The following ARID5A variants were observed in gnomAD, a reference collection of about 807,000 sequenced individuals.
ARID5A encodes the protein AT-rich interaction domain 5A.
A neutral mutation model predicts 30.5 loss-of-function variants in ARID5A; 14 were observed. The ratio of observed to expected loss-of-function variants is 0.46; its 90% CI spans 0.30 to 0.72. ARID5A has a LOEUF of 0.72. ARID5A is among the 30% of genes least tolerant of loss of function. The pLI is 0.07. For missense variants in ARID5A, 669 were observed against 786.2 expected (o/e 0.85, Z 1.78); for synonymous variants, 338 against 340.4 (o/e 0.99, Z 0.08).
chr2:96,547,709 A>G (rs2065953728), intron 2 of ARID5A, among the ~76,000 whole-genome samples, 192 bp downstream of exon 2: 1 of 152,220 alleles, frequency 6.6e-6, no homozygotes, highest in Non-Finnish European at 1.5e-5. Context: ...TTTTTGTAGC[A>G]GAACCCTTTT....
intron 1 of ARID5A, among the ~76,000 whole-genome samples, chr2:96,541,857 A>C (rs1008498657): frequency 6.6e-6 from 1 of 152,256 alleles, no homozygotes. Flanking sequence ...ACAAGGCAGT[A>C]GTGCGGTGGC....
At chr2:96,548,054 G>A (rs923762061) in intron 2 of ARID5A, among the ~76,000 whole-genome samples, 1 of 152,324 alleles carries the variant, frequency 6.6e-6, no homozygotes, top group South Asian at 2.1e-4. Flanking sequence ...AGGCCTGGAG[G>A]AGCAGATTGA....
At chr2:96,543,908 G>A (rs930406290) in intron 1 of ARID5A, among the ~76,000 whole-genome samples, 13 of 152,226 alleles carry the variant, frequency 8.5e-5, no homozygotes, top group Non-Finnish European at 1.6e-4. Context: ...TGAATGCCAA[G>A]GAAAAGTTAT....
At chr2:96,536,877 C>G in intron 1 of ARID5A, 47 bp downstream of exon 1, 1 of 1,225,404 alleles carries the variant, frequency 8.2e-7, no homozygotes, top group South Asian at 4.1e-5. Context: ...GGCGGCCCTG[C>G]AGGGAGGTTC....
At position 96,547,514 on chromosome 2, in the gene ARID5A, G is replaced by A; in HGVS notation, c.117G>A (p.Leu39=). 1 of 1,613,790 alleles carries A rather than the reference G, an allele frequency of 6.2e-7. No individual in the cohort carries two copies. Among genetic ancestry groups the A allele is most frequent in the South Asian group, 1.1e-5 (1 of 91,050 alleles). The stretch of plus-strand genomic sequence containing the variant: ...ACGGAATCCAGAACCCCATCTCGCT[G>A]GAGGTGAGTTGACTCCCTCTGCTGA... ...KQNGIQNPIS[L]EDSPEAGGER... Residue 39 remains leucine, a synonymous_variant, in exon 2 of 7, where the codon CTG becomes CTA. Transcript: ENST00000357485.
In ARID5A at chr2:96,549,890, A is replaced by C; in HGVS notation, c.312+85A>C. 6.4e-7 allele frequency: 1 copy of C among 1,556,454 alleles called. No homozygotes were observed. The highest frequency in any genetic ancestry group is 8.7e-7 in the Non-Finnish European group (1 of 1,148,948). Reference sequence around the variant, plus strand: ...GCTGTCCTTGCCTCTGGACAGAGGAAGAGCCAGGATCCCCAGTCCTACCCC... The same window carrying C: ...GCTGTCCTTGCCTCTGGACAGAGGACGAGCCAGGATCCCCAGTCCTACCCC... On this transcript the variant is annotated intron_variant, in intron 4 of 6. Transcript: ENST00000357485. The surrounding 1 kb of genome is among the most constrained non-coding windows in gnomAD (Gnocchi z 6.1).
rs766405325 is a variant in ARID5A at position 96,550,668 on chromosome 2, A to G, written c.505A>G (p.Asn169Asp). Residue 169 changes from asparagine (N) to aspartate (D), a missense_variant, in exon 6 of 7, where the codon AAC (asparagine) becomes GAC (aspartate). By Grantham distance (23) the Asn-to-Asp change is conservative (BLOSUM62 1). Coordinates refer to ENST00000357485, the MANE Select transcript of ARID5A (RefSeq NM_212481.3). This position sits in a 1 kb window ranked among gnomAD's most constrained non-coding sequence, Gnocchi z 6.6. ...GAAACAGTACAAGATGGCTAAGGAGAACAGGGGGGATGATGGGGCCACCGA... is the reference window on the plus strand; with the variant it reads ...GAAACAGTACAAGATGGCTAAGGAGGACAGGGGGGATGATGGGGCCACCGA... ...PRKQYKMAKE[N>D]RGDDGATERP... The G allele has an allele frequency of 1.9e-6, 3 of 1,602,050 alleles. No homozygotes were observed. In the South Asian group the frequency reaches 3.4e-5, roughly 18 times the overall value.
Position 96,538,389 on chromosome 2 carries a change from T to C in ARID5A, c.4+1559T>C, listed in dbSNP as rs77547393. On this transcript the variant is annotated intron_variant, in intron 1 of 6. Coordinates refer to ENST00000357485, the MANE Select transcript of ARID5A (RefSeq NM_212481.3). ...CACATTCAGTGTCCCCCGCACCTCCTTCCCTTTCTGTACCCTCTGGTGGCT... is the reference window on the plus strand; with the variant it reads ...CACATTCAGTGTCCCCCGCACCTCCCTCCCTTTCTGTACCCTCTGGTGGCT... The C allele has an allele frequency of 1.3e-3, 1,195 of 951,876 alleles. 15 individuals carry two copies. In the African/African-American group the frequency reaches 0.02, roughly 16 times the overall value. 59.0% of individuals were successfully genotyped at this position (951,876 alleles called of 1,614,324 possible).
Position 96,541,186 on chromosome 2 carries a change from C to T in ARID5A, c.4+4356C>T, listed in dbSNP as rs371135730. On this transcript the variant is annotated intron_variant, in intron 1 of 6. Transcript: ENST00000357485. ...CTGAGTAGCTGGGACTACAGGCATGCGCCACCACCCCCAGCTAATTTTTGT... is the reference window on the plus strand; with the variant it reads ...CTGAGTAGCTGGGACTACAGGCATGTGCCACCACCCCCAGCTAATTTTTGT... Among the ~76,000 whole-genome samples the T allele has an allele frequency of 1.5e-3, 221 of 151,476 alleles. 6 individuals are homozygous for T. The East Asian group carries it at 0.041, about 28-fold the overall frequency.
rs1490087034 is a variant in ARID5A, at chr2:96,547,465, C to T, written c.68C>T (p.Ser23Phe). 4.3e-6 allele frequency: 7 copies of T among 1,614,054 alleles called. No individual in the cohort carries two copies. The highest frequency in any genetic ancestry group is 5.9e-6 in the Non-Finnish European group (7 of 1,180,014). ...TEGDALDPPA[S>F]PKPAGKQNGI... ...GGTGACGCCCTAGACCCACCTGCATCCCCCAAACCTGCTGGCAAGCAGAAC... is the reference window on the plus strand; with the variant it reads ...GGTGACGCCCTAGACCCACCTGCATTCCCCAAACCTGCTGGCAAGCAGAAC... The change falls in exon 2 of 7, where the codon TCC becomes TTC. Residue 23 changes from serine to phenylalanine, a missense_variant. This residue lies in a region of ARID5A where 56 missense variants were observed against 72.8 expected (regional missense o/e 0.77). Transcript: ENST00000357485.
At position 96,551,672 on chromosome 2, in the gene ARID5A, G is replaced by C; in HGVS notation, c.1144G>C (p.Val382Leu). 2 of 1,523,440 alleles carry C rather than the reference G, an allele frequency of 1.3e-6. No individual in the cohort carries two copies. Among genetic ancestry groups the C allele is most frequent in the Non-Finnish European group, 1.8e-6 (2 of 1,138,728 alleles). 94.4% of individuals were successfully genotyped at this position (1,523,440 alleles called of 1,614,324 possible). A position where few individuals can be genotyped will look rare whatever the true frequency, so the allele number is the denominator to read the frequency against. Residue 382 changes from valine (V) to leucine (L), a missense_variant, in exon 7 of 7, where the codon GTG becomes CTG. This residue lies in a region of ARID5A where 548 missense variants were observed against 577.4 expected (regional missense o/e 0.95). Coordinates refer to ENST00000357485, the MANE Select transcript of ARID5A (RefSeq NM_212481.3). ...LGPPGKEGLS[V>L]KEPQLVWGGD... ...GCCTCCTGGCAAAGAGGGGCTGTCA[G>C]TGAAAGAGCCCCAGCTGGTGTGGGG... is the stretch of plus-strand genomic sequence containing the variant.
In ARID5A at chr2:96,539,642, A is replaced by T. The variant is rs528693387; in HGVS notation, c.4+2812A>T. Among the ~76,000 whole-genome samples, 326 of 152,320 alleles carry T rather than the reference A, an allele frequency of 2.1e-3. 1 individual carries two copies. Among genetic ancestry groups the T allele is most frequent in the Admixed American group, 3.9e-3 (60 of 15,308 alleles). ...TGGAGATAACACCCCTTATTCAAAG[A>T]TGGTGGGTCCTCTGGGCCCTCCCCG... On this transcript the variant is annotated intron_variant, in intron 1 of 6. Transcript: ENST00000357485. The surrounding 1 kb of genome is among the most constrained non-coding windows in gnomAD (Gnocchi z 4.7).
chr2:96,547,078 G>C (rs564736666), intron 1 of ARID5A, among the ~76,000 whole-genome samples: 1 of 152,110 alleles, frequency 6.6e-6, no homozygotes, highest in Non-Finnish European at 1.5e-5. Flanking sequence ...GTCGGGGAGC[G>C]GGGAGGAGGG....
rs983207608 is a variant in ARID5A, at chr2:96,551,436, G to T, written c.908G>T (p.Gly303Val). Reference sequence around the variant, plus strand: ...CCAGAGAGTCCCCAGAGCCCCAAAGGGCTGACTGAGAACTCCAGGCACCGG... The same window carrying T: ...CCAGAGAGTCCCCAGAGCCCCAAAGTGCTGACTGAGAACTCCAGGCACCGG... Reference protein sequence around the residue: ...HLPESPQSPKGLTENSRHRLT... With the variant: ...HLPESPQSPKVLTENSRHRLT... Residue 303 changes from glycine to valine, a missense_variant, in exon 7 of 7, where the codon GGG becomes GTG. By Grantham distance (109) the Gly-to-Val change is moderately radical (BLOSUM62 -3). Coordinates refer to ENST00000357485, the MANE Select transcript of ARID5A (RefSeq NM_212481.3). 1.3e-6 allele frequency: 2 copies of T among 1,596,572 alleles called. No homozygotes were observed. Among genetic ancestry groups the T allele is most frequent in the Non-Finnish European group, 1.7e-6 (2 of 1,172,354 alleles).
chr2:96,549,531 C>A lies in ARID5A; in HGVS notation c.259+72C>A. On this transcript the variant is annotated intron_variant, in intron 3 of 6. Transcript: ENST00000357485. This position sits in a 1 kb window ranked among gnomAD's most constrained non-coding sequence, Gnocchi z 6.1. ...CCGCCCAGGCAGGGCATCGGGCAGG[C>A]ACTCCCACTCTGGGTGACCCAGGTT... 6.4e-7 allele frequency: 1 copy of A among 1,572,006 alleles called. No homozygotes were observed. Among genetic ancestry groups the A allele is most frequent in the South Asian group, 1.1e-5 (1 of 88,452 alleles).
chr2:96,552,445 G>C lies in ARID5A; in HGVS notation c.*132G>C. 1 of 1,549,940 alleles carries C rather than the reference G, an allele frequency of 6.5e-7. No homozygotes were observed. The highest frequency in any genetic ancestry group is 8.7e-7 in the Non-Finnish European group (1 of 1,149,960). On this transcript the variant is annotated 3_prime_UTR_variant, in exon 7 of 7. Transcript: ENST00000357485. ...GCCATGCCCCTGGCTGGGCAGCCTG[G>C]CACAAGTGAAGAAGAAGGCAGTGGG...
At position 96,551,223 on chromosome 2, in the gene ARID5A, C is replaced by T. The variant is rs2066034288; in HGVS notation, c.695C>T (p.Ala232Val). The change falls in exon 7 of 7, where the codon GCC becomes GTC. Residue 232 changes from alanine (A) to valine (V), a missense_variant. Physicochemically the swap from Ala to Val is moderately conservative, Grantham distance 64. Transcript: ENST00000357485. Reference sequence around the variant, plus strand: ...GGGTCTTCTGTGTCCTTTGTGGGTGCCAGCGGCTGTCCTGAGGCCTACAAG... The same window carrying T: ...GGGTCTTCTGTGTCCTTTGTGGGTGTCAGCGGCTGTCCTGAGGCCTACAAG... ...ASGSSVSFVG[A>V]SGCPEAYKRL... 1 of 1,613,976 alleles carries T rather than the reference C, an allele frequency of 6.2e-7. No homozygotes were observed. Among genetic ancestry groups the T allele is most frequent in the Non-Finnish European group, 8.5e-7 (1 of 1,180,016 alleles).
At chr2:96,548,465 C>T (rs1479342700) in intron 2 of ARID5A, among the ~76,000 whole-genome samples, 1 of 152,150 alleles carries the variant, frequency 6.6e-6, no homozygotes, top group Non-Finnish European at 1.5e-5. Context: ...GGGATTTCCC[C>T]ATGTTGGCCA....
At chr2:96,543,520 A>C (rs1261451164) in intron 1 of ARID5A, among the ~76,000 whole-genome samples, 8 of 151,886 alleles carry the variant, frequency 5.3e-5, no homozygotes, top group African/African-American at 1.9e-4. Flanking sequence ...TATATCTGTT[A>C]TGGTGATCTG....
Sources: gnomAD v4.1 joint callset for allele counts (sites outside exome capture counted in the v4.1 genomes callset) on GRCh38, gnomAD v4.1.1 for gene constraint, gnomAD v4.1.1 regional missense constraint, Gnocchi (gnomAD v3.1) non-coding constraint, MANE v1.5 for transcripts, NCBI Gene and HGNC (gene_info 2026-07-23, HGNC 2026-07-21) for gene names.